ITGA9: variants seen among roughly 807,000 people sequenced by gnomAD.
ITGA9 encodes integrin subunit alpha 9, also known as integrin alpha-9.
Under a neutral mutation model 127.8 loss-of-function variants are expected in ITGA9, and 56 were observed. The observed-to-expected ratio is 0.44, with a 90% CI of 0.35 to 0.55. The LOEUF is 0.55. ITGA9 is among the 20% of genes least tolerant of loss of function. The pLI is 0.00. For missense variants in ITGA9, 1,196 were observed against 1,347.1 expected (o/e 0.89, Z 1.76); for synonymous variants, 508 against 514.5 (o/e 0.99, Z 0.17).
chr3:37,621,469 T>A (rs1700128220), intron 15 of ITGA9, among the ~76,000 whole-genome samples: 1 of 152,236 alleles, frequency 6.6e-6, no homozygotes, highest in Non-Finnish European at 1.5e-5. Context: ...TATTCCATGC[T>A]TTTGGACAAG....
intron 15 of ITGA9, among the ~76,000 whole-genome samples, chr3:37,617,857 C>A (rs565967667): frequency 6.6e-6 from 1 of 152,272 alleles, no homozygotes; most frequent in Non-Finnish European, 1.5e-5. Flanking sequence ...TCTAGTTAGC[C>A]ATTCATCTAA....
chr3:37,592,161 A>G (rs1239156671), intron 15 of ITGA9, among the ~76,000 whole-genome samples: 2 of 152,118 alleles, frequency 1.3e-5, no homozygotes, highest in Non-Finnish European at 2.9e-5. Flanking sequence ...TTTTTACTTA[A>G]ACATGCTTAT....
chr3:37,785,648 T>A (rs1424735074), intron 26 of ITGA9, among the ~76,000 whole-genome samples: 4 of 152,128 alleles, frequency 2.6e-5, no homozygotes, highest in East Asian at 1.9e-4. Context: ...TTAAATTTTT[T>A]AAAATTTTTT....
At chr3:37,602,078 G>A (rs1699927588) in intron 15 of ITGA9, among the ~76,000 whole-genome samples, 1 of 152,002 alleles carries the variant, frequency 6.6e-6, no homozygotes, top group African/African-American at 2.4e-5. Context: ...CATTCACAAT[G>A]GATCCGTCCC....
At chr3:37,475,830 G>A (rs1456686278) in intron 3 of ITGA9, among the ~76,000 whole-genome samples, 1 of 152,136 alleles carries the variant, frequency 6.6e-6, no homozygotes, top group Admixed American at 6.5e-5. Flanking sequence ...ACTTTATCTT[G>A]CAAAACTTAC....
chr3:37,700,551 T>C lies in ITGA9; in HGVS notation c.2067+16536T>C, dbSNP rs142827391. Among the ~76,000 whole-genome samples, 957 of 152,128 alleles carry C rather than the reference T, an allele frequency of 6.3e-3. 13 individuals are homozygous for C. Among genetic ancestry groups the C allele is most frequent in the African/African-American group, 0.022 (894 of 41,490 alleles). On this transcript the variant is annotated intron_variant, in intron 18 of 27. Transcript: ENST00000264741. The stretch of plus-strand genomic sequence containing the variant: ...TTCTGTAGAGATGGGGGTTTTGCCA[T>C]GTTGCCCAGGCTGGTCTTGAACTCC...
At chr3:37,503,446 C>A in intron 6 of ITGA9, 139 bp downstream of exon 6, 1 of 935,308 alleles carries the variant, frequency 1.1e-6, no homozygotes, top group South Asian at 1.5e-5. Flanking sequence ...ACATCTTTAG[C>A]CAGGGCATCT....
chr3:37,456,530 C>T (rs963824065), intron 1 of ITGA9, among the ~76,000 whole-genome samples: 10 of 152,308 alleles, frequency 6.6e-5, no homozygotes, highest in African/African-American at 1.4e-4. Flanking sequence ...CACCCCACCC[C>T]GTCCCCTCCT....
At chr3:37,529,629 T>G (rs1247955362) in intron 13 of ITGA9, among the ~76,000 whole-genome samples, 1 of 152,216 alleles carries the variant, frequency 6.6e-6, no homozygotes, top group Non-Finnish European at 1.5e-5. Flanking sequence ...AGCCATTTTC[T>G]GGTCTCCCAA....
At chr3:37,748,765 AAAGAAG>A in intron 22 of ITGA9, 9 of 645,302 alleles carry the variant, frequency 1.4e-5, no homozygotes, top group South Asian at 1.4e-4. Flanking sequence ...AAAAAAAAAA[AAAGAAG>A]GAAGCCAAAC....
intron 6 of ITGA9, among the ~76,000 whole-genome samples, chr3:37,503,814 G>T (rs1698813890): frequency 6.6e-6 from 1 of 152,188 alleles, no homozygotes; most frequent in African/African-American, 2.4e-5. Flanking sequence ...CTTCTGGAAA[G>T]AAGATAGACA....
chr3:37,571,907 A>G (rs1354630220), intron 15 of ITGA9, among the ~76,000 whole-genome samples: 1 of 151,824 alleles, frequency 6.6e-6, no homozygotes, highest in African/African-American at 2.4e-5. Flanking sequence ...AGTCTCAGAA[A>G]TTCCAAAAGA....
chr3:37,613,496 G>T (rs1700044086), intron 15 of ITGA9, among the ~76,000 whole-genome samples: 1 of 152,176 alleles, frequency 6.6e-6, no homozygotes, highest in Non-Finnish European at 1.5e-5. Flanking sequence ...GGATGGCTGG[G>T]TCAAATGGTA....
At chr3:37,611,195 T>A (rs891337769) in intron 15 of ITGA9, among the ~76,000 whole-genome samples, 1 of 152,222 alleles carries the variant, frequency 6.6e-6, no homozygotes, top group Non-Finnish European at 1.5e-5. Flanking sequence ...ACTTCTGTTC[T>A]ATGCACTGTG....
chr3:37,693,594 A>G (rs1700853884), intron 18 of ITGA9, among the ~76,000 whole-genome samples: 1 of 152,202 alleles, frequency 6.6e-6, no homozygotes, highest in Non-Finnish European at 1.5e-5. Context: ...TCCACTTGCT[A>G]ATCTGGATAG....
chr3:37,477,837 A>G (rs1212380793), intron 3 of ITGA9, among the ~76,000 whole-genome samples: 1 of 152,094 alleles, frequency 6.6e-6, no homozygotes, highest in African/African-American at 2.4e-5. Flanking sequence ...CAGAAGCAGT[A>G]TTCTCTGGTT....
chr3:37,457,951 A>C (rs989743258), intron 1 of ITGA9, among the ~76,000 whole-genome samples: 10 of 152,212 alleles, frequency 6.6e-5, no homozygotes, highest in Admixed American at 6.5e-4. Context: ...CCCTGGTGAC[A>C]TGCTGCTGTT....
chr3:37,715,917 T>A (rs1701130156), intron 18 of ITGA9, among the ~76,000 whole-genome samples: 1 of 152,174 alleles, frequency 6.6e-6, no homozygotes, highest in South Asian at 2.1e-4. Context: ...AGATGAGACA[T>A]CATGTAAAAA....
At chr3:37,676,479 G>C (rs951974657) in intron 17 of ITGA9, among the ~76,000 whole-genome samples, 1 of 152,194 alleles carries the variant, frequency 6.6e-6, no homozygotes, top group African/African-American at 2.4e-5. Flanking sequence ...TTGCTGCAGA[G>C]CATGTCAGAG....
Sources: allele counts gnomAD v4.1 joint callset (sites outside exome capture counted in the v4.1 genomes callset), GRCh38; gene constraint gnomAD v4.1.1; transcripts MANE v1.5; gene names NCBI Gene and HGNC (gene_info 2026-07-23, HGNC 2026-07-21).